The following EPHB2 variants were observed in gnomAD, a reference collection of about 807,000 sequenced individuals.
EPHB2 encodes the protein ephrin type-B receptor 2.
Under a neutral mutation model 96.4 loss-of-function variants are expected in EPHB2, and 18 were observed. The observed-to-expected ratio is 0.19, with a 90% CI of 0.13 to 0.28. The LOEUF is 0.28. Among genes scored for constraint, EPHB2 ranks in the 10% least tolerant of loss-of-function variants. EPHB2 has a pLI of 1.00. For missense variants in EPHB2, 989 were observed against 1,355.4 expected (o/e 0.73, Z 4.25); for synonymous variants, 506 against 534.1 (o/e 0.95, Z 0.72).
At chr1:22,717,228 C>A (rs1643317462) in intron 1 of EPHB2, among the ~76,000 whole-genome samples, 1 of 151,930 alleles carries the variant, frequency 6.6e-6, no homozygotes, top group South Asian at 2.1e-4. Context: ...GTTTGCACAG[C>A]TCCCAGGGGT....
At chr1:22,824,085 G>T (rs1186947036) in intron 3 of EPHB2, among the ~76,000 whole-genome samples, 3 of 152,210 alleles carry the variant, frequency 2.0e-5, no homozygotes, top group Non-Finnish European at 4.4e-5. Flanking sequence ...GAATGGCTCA[G>T]CAAAGGGAAA....
intron 3 of EPHB2, among the ~76,000 whole-genome samples, chr1:22,855,787 T>A (rs11802220): frequency 0.03 from 4,609 of 152,320 alleles, 226 homozygotes; most frequent in African/African-American, 0.1. Context: ...ATCAATATTA[T>A]TATTCCCATT....
rs1451722711 is a variant in EPHB2, at chr1:22,858,014, T to G, written c.812-5023T>G. Among the ~76,000 whole-genome samples the G allele has an allele frequency of 2.0e-5, 3 of 152,048 alleles. No homozygotes were observed. The highest frequency in any genetic ancestry group is 2.1e-4 in the South Asian group (1 of 4,814). On this transcript the variant is annotated intron_variant, in intron 3 of 15. Transcript: ENST00000374630. This position sits in a 1 kb window ranked among gnomAD's most constrained non-coding sequence, Gnocchi z 7.7. ...GAGGGTCAGTAAAGGAAACTGAGAC[T>G]GAGACAGAACACAGCAAGAGACAAT...
At chr1:22,879,303 C>T (rs1258048518) in intron 5 of EPHB2, among the ~76,000 whole-genome samples, 1 of 152,206 alleles carries the variant, frequency 6.6e-6, no homozygotes, top group Admixed American at 6.5e-5. Context: ...CTTCCCGGGC[C>T]AGCACAAGGG....
chr1:22,717,948 C>T (rs1329060402), intron 1 of EPHB2, among the ~76,000 whole-genome samples: 1 of 152,136 alleles, frequency 6.6e-6, no homozygotes, highest in Non-Finnish European at 1.5e-5. Context: ...GTTCCTAGCT[C>T]TTGAGATGGT....
Position 22,846,365 on chromosome 1 carries a change from G to A in EPHB2, c.812-16672G>A, listed in dbSNP as rs1287553291. Among the ~76,000 whole-genome samples the A allele has an allele frequency of 6.6e-6, 1 of 151,192 alleles. No individual in the cohort carries two copies. Among genetic ancestry groups the A allele is most frequent in the East Asian group, 1.9e-4 (1 of 5,152 alleles). On this transcript the variant is annotated intron_variant, in intron 3 of 15. Coordinates refer to ENST00000374630, the MANE Select transcript of EPHB2 (RefSeq NM_017449.5). The surrounding 1 kb of genome is among the most constrained non-coding windows in gnomAD (Gnocchi z 4.3). ...CGGGAGGTGGAGGTTGCAGTGAGCC[G>A]AGATTGTGCCACTGCACTCCAGCCT...
intron 9 of EPHB2, among the ~76,000 whole-genome samples, chr1:22,905,579 T>C (rs1639884217): frequency 6.6e-6 from 1 of 152,208 alleles, no homozygotes. Flanking sequence ...TTAGTTCCAA[T>C]TCGCTCCCTT....
Position 22,893,002 on chromosome 1 carries a change from A to G in EPHB2, c.1547A>G (p.Tyr516Cys), listed in dbSNP as rs1639442554. The change falls in exon 7 of 16, where the codon TAC becomes TGC. Residue 516 changes from tyrosine (Y) to cysteine (C), a missense_variant. By Grantham distance (194) the Tyr-to-Cys change is radical. Coordinates refer to ENST00000374630, the MANE Select transcript of EPHB2 (RefSeq NM_017449.5). ...GTGCGGGCACGCACCGTGGCAGGTT[A>G]CGGGCGCTACAGCGGCAAGATGTAC... is the stretch of plus-strand genomic sequence containing the variant. ...FQVRARTVAG[Y>C]GRYSGKMYFQ... is the part of the protein sequence containing the mutation. 6.2e-7 allele frequency: 1 copy of G among 1,614,214 alleles called. No homozygotes were observed. Among genetic ancestry groups the G allele is most frequent in the Non-Finnish European group, 8.5e-7 (1 of 1,180,034 alleles).
intron 3 of EPHB2, among the ~76,000 whole-genome samples, chr1:22,850,005 G>A (rs1645602056): frequency 6.6e-6 from 1 of 152,206 alleles, no homozygotes; most frequent in South Asian, 2.1e-4. Flanking sequence ...TTCCAGACAT[G>A]TTCTCTGCTG....
At chr1:22,895,360 G>A (rs538836175) in intron 7 of EPHB2, 112 bp from the exon 8 acceptor site, 9 of 964,190 alleles carry the variant, frequency 9.3e-6, no homozygotes, top group Admixed American at 5.5e-5. Flanking sequence ...TCAGGGGCAG[G>A]AACAGAGTCT....
chr1:22,766,992 G>C lies in EPHB2; in HGVS notation c.62-14429G>C, dbSNP rs114822595. ...AACCAGCGGAGTGGCACAGCCAGCA[G>C]CTTGGGAGGCTTCTGTTTGGCTCAG... On this transcript the variant is annotated intron_variant, in intron 1 of 15. Coordinates refer to ENST00000374630, the MANE Select transcript of EPHB2 (RefSeq NM_017449.5). Among the ~76,000 whole-genome samples the C allele has an allele frequency of 5.8e-3, 890 of 152,346 alleles. 10 individuals are homozygous for C. Among genetic ancestry groups the C allele is most frequent in the African/African-American group, 0.02 (841 of 41,580 alleles).
At chr1:22,785,152 T>G in intron 3 of EPHB2, 76 bp downstream of exon 3, 2 of 1,571,156 alleles carry the variant, frequency 1.3e-6, no homozygotes. Flanking sequence ...GCTGCAGACT[T>G]GGGCCTGGCC....
At chr1:22,799,590 T>C (rs1644813626) in intron 3 of EPHB2, among the ~76,000 whole-genome samples, 1 of 152,230 alleles carries the variant, frequency 6.6e-6, no homozygotes, top group Non-Finnish European at 1.5e-5. Flanking sequence ...TGACACAGCC[T>C]GGCCCCTGCG....
intron 3 of EPHB2, among the ~76,000 whole-genome samples, chr1:22,841,426 A>T (rs1645467050): frequency 6.6e-6 from 1 of 152,046 alleles, no homozygotes; most frequent in African/African-American, 2.4e-5. Context: ...GCTCAGTGCA[A>T]AGGAGGCCAT....
At chr1:22,786,200 G>A (rs1644608539) in intron 3 of EPHB2, among the ~76,000 whole-genome samples, 1 of 152,150 alleles carries the variant, frequency 6.6e-6, no homozygotes, top group South Asian at 2.1e-4. Context: ...TCCTTCCTAG[G>A]CTGGTGTGAG....
intron 1 of EPHB2, among the ~76,000 whole-genome samples, chr1:22,780,567 G>A (rs548102726): frequency 6.6e-6 from 1 of 152,332 alleles, no homozygotes; most frequent in Admixed American, 6.5e-5. Flanking sequence ...GGAGCAACGA[G>A]GGGAAACTGA....
In EPHB2 at chr1:22,906,418, A is replaced by G. The variant is rs1211658963; in HGVS notation, c.1889-292A>G. ...TCCAGTGCTTTTCCTTCCTCCCCCC[A>G]TGTATCCCAGTGCCTTTTCCCATCT... On this transcript the variant is annotated intron_variant, in intron 10 of 15. Coordinates refer to ENST00000374630, the MANE Select transcript of EPHB2 (RefSeq NM_017449.5). This position sits in a 1 kb window ranked among gnomAD's most constrained non-coding sequence, Gnocchi z 4.8. Among the ~76,000 whole-genome samples, 1 of 151,994 alleles carries G rather than the reference A, an allele frequency of 6.6e-6. No individual in the cohort carries two copies. The highest frequency in any genetic ancestry group is 1.5e-5 in the Non-Finnish European group (1 of 67,992).
chr1:22,900,809 C>T (rs1188103349), intron 9 of EPHB2, among the ~76,000 whole-genome samples: 1 of 152,176 alleles, frequency 6.6e-6, no homozygotes, highest in Non-Finnish European at 1.5e-5. Flanking sequence ...ACTGCCAGCC[C>T]TGTGATCCCA....
At chr1:22,763,075 C>T (rs2148396862) in intron 1 of EPHB2, among the ~76,000 whole-genome samples, 1 of 152,278 alleles carries the variant, frequency 6.6e-6, no homozygotes, top group East Asian at 1.9e-4. Flanking sequence ...ACAGCTAGGC[C>T]CACGCAGGGG....
Sources: allele counts gnomAD v4.1 joint callset (sites outside exome capture counted in the v4.1 genomes callset), GRCh38; gene constraint gnomAD v4.1.1; non-coding constraint Gnocchi (gnomAD v3.1); transcripts MANE v1.5; gene names NCBI Gene and HGNC (gene_info 2026-07-23, HGNC 2026-07-21).